Variants in GSE1 observed in about 807,000 individuals in gnomAD.
GSE1 encodes genetic suppressor element 1.
A neutral mutation model predicts 112.6 loss-of-function variants in GSE1; 32 were observed. The ratio of observed to expected loss-of-function variants is 0.28; its 90% CI spans 0.21 to 0.38. The LOEUF (loss-of-function observed/expected upper bound fraction) is 0.38. Ranked by LOEUF, GSE1 falls within the 10% of genes least tolerant of loss-of-function variation. The pLI, the probability that GSE1 is intolerant of heterozygous loss-of-function variation, is 1.00. For missense variants in GSE1, 2,348 were observed against 1,699.2 expected (o/e 1.38, Z -6.71); for synonymous variants, 1,115 against 735.6 (o/e 1.52, Z -8.35).
At chr16:85,513,817 G>T (rs1347100420) in intron 2 of GSE1, among the ~76,000 whole-genome samples, 4 of 152,090 alleles carry the variant, frequency 2.6e-5, no homozygotes, top group Non-Finnish European at 5.9e-5. Context: ...GGGAGGGGGG[G>T]TCCCACATTC....
At chr16:85,568,335 G>GC (rs2045845002) in intron 1 of GSE1, among the ~76,000 whole-genome samples, 1 of 152,222 alleles carries the variant, frequency 6.6e-6, no homozygotes, top group South Asian at 2.1e-4. Context: ...AGTCATGGCG[G>GC]CCCCCAATTT....
chr16:85,656,376 G>GGAGCGCGAGCGCGAGCGC lies in GSE1; in HGVS notation c.1029_1046dup (p.Arg347_Glu352dup), dbSNP rs3833833. 2.3e-4 allele frequency: 372 copies of GGAGCGCGAGCGCGAGCGC among 1,598,654 alleles called. 1 individual carries two copies. In the East Asian group the frequency reaches 4.2e-3, roughly 18 times the overall value. On this transcript the variant is annotated inframe_insertion, in exon 7 of 16. Coordinates refer to ENST00000253458, the MANE Select transcript of GSE1 (RefSeq NM_014615.5). ...TGGACGAGGAGCTAAGGCGGGAGAG[G>GGAGCGCGAGCGCGAGCGC]GAGCGCGAGCGCGAGCGCGAGCGTG... is the stretch of plus-strand genomic sequence containing the variant.
At chr16:85,531,619 G>A (rs72801142) in intron 2 of GSE1, among the ~76,000 whole-genome samples, 20,794 of 152,168 alleles carry the variant, frequency 0.14, 1,562 homozygotes, top group Admixed American at 0.2. Flanking sequence ...CCCCCCTTCC[G>A]CCCTGCCCCG....
rs1204000272 is a variant in GSE1 at position 85,668,502 on chromosome 16, C to G, written c.3415+78C>G. The stretch of plus-strand genomic sequence containing the variant: ...AAGGAAGCTGAGTGATGAGTTCATG[C>G]AGACCTCTGCCAGCCTGGGGACTGT... On this transcript the variant is annotated intron_variant, in intron 14 of 15. Coordinates refer to ENST00000253458, the MANE Select transcript of GSE1 (RefSeq NM_014615.5). 1.0e-5 allele frequency: 10 copies of G among 956,870 alleles called. No homozygotes were observed. The African/African-American group carries it at 1.3e-4, about 12-fold the overall frequency. 59.3% of individuals were successfully genotyped at this position (956,870 alleles called of 1,614,324 possible).
intron 1 of GSE1, among the ~76,000 whole-genome samples, chr16:85,299,398 C>G (rs1289843801): frequency 6.6e-6 from 1 of 152,212 alleles, no homozygotes; most frequent in Non-Finnish European, 1.5e-5. Context: ...TCTATATCCT[C>G]TCCAACCCCC....
At chr16:85,634,855 G>A (rs908053139) in intron 2 of GSE1, among the ~76,000 whole-genome samples, 1 of 152,186 alleles carries the variant, frequency 6.6e-6, no homozygotes, top group African/African-American at 2.4e-5. Context: ...GCTGCTGCTG[G>A]CACAAATGGG....
intron 1 of GSE1, among the ~76,000 whole-genome samples, chr16:85,254,537 G>A (rs1473905142): frequency 3.3e-5 from 5 of 152,220 alleles, no homozygotes; most frequent in African/African-American, 1.2e-4. Flanking sequence ...CATCAATTGA[G>A]ACAGGTGACT....
intron 1 of GSE1, among the ~76,000 whole-genome samples, chr16:85,291,941 A>T (rs768650723): frequency 6.6e-6 from 1 of 152,088 alleles, no homozygotes; most frequent in Non-Finnish European, 1.5e-5. Flanking sequence ...ACTTACATAG[A>T]AATAAGGCAG....
chr16:85,291,788 G>T (rs943988260), intron 1 of GSE1, among the ~76,000 whole-genome samples: 1 of 152,190 alleles, frequency 6.6e-6, no homozygotes, highest in African/African-American at 2.4e-5. Context: ...CCTCTCCGTG[G>T]GGCCCATAAC....
At chr16:85,646,866 G>T (rs547364837) in intron 2 of GSE1, among the ~76,000 whole-genome samples, 1 of 146,306 alleles carries the variant, frequency 6.8e-6, no homozygotes. Flanking sequence ...TCTGGTCTCG[G>T]TCACGGGGGC....
At chr16:85,621,384 G>A (rs550734846) in intron 1 of GSE1, among the ~76,000 whole-genome samples, 1 of 152,382 alleles carries the variant, frequency 6.6e-6, no homozygotes, top group African/African-American at 2.4e-5. Flanking sequence ...GCTGGGGTGT[G>A]CAGGGAGTGG....
intron 1 of GSE1, among the ~76,000 whole-genome samples, chr16:85,321,705 T>G (rs556409257): frequency 3.9e-5 from 6 of 151,900 alleles, no homozygotes; most frequent in Admixed American, 6.6e-5. Flanking sequence ...GTCCAGCTAC[T>G]TGGGTGGCTG....
At chr16:85,535,025 T>G (rs2044275411) in intron 2 of GSE1, among the ~76,000 whole-genome samples, 1 of 152,184 alleles carries the variant, frequency 6.6e-6, no homozygotes, top group African/African-American at 2.4e-5. Context: ...TTAGAGCTGA[T>G]TGTGCGGGAC....
chr16:85,185,636 C>G (rs1297387403), intron 1 of GSE1, among the ~76,000 whole-genome samples: 1 of 152,254 alleles, frequency 6.6e-6, no homozygotes, highest in African/African-American at 2.4e-5. Flanking sequence ...CCAGGACTCA[C>G]ATGTCATAAG....
At chr16:85,349,433 C>A (rs1247557399) in intron 1 of GSE1, among the ~76,000 whole-genome samples, 5 of 152,128 alleles carry the variant, frequency 3.3e-5, no homozygotes, top group Non-Finnish European at 7.4e-5. Context: ...GTCAGGACAG[C>A]GGGAGAAGAG....
chr16:85,365,225 C>T (rs1053294178), intron 2 of GSE1, among the ~76,000 whole-genome samples: 3 of 152,220 alleles, frequency 2.0e-5, no homozygotes, highest in Admixed American at 6.5e-5. Flanking sequence ...CCAGTATCCC[C>T]GGGAGACCAG....
intron 2 of GSE1, among the ~76,000 whole-genome samples, chr16:85,420,300 G>A (rs1312589092): frequency 6.6e-6 from 1 of 152,156 alleles, no homozygotes. Flanking sequence ...TGGAGGGAGT[G>A]TGGCCCTGCG....
At chr16:85,531,704 G>T (rs747964069) in intron 2 of GSE1, among the ~76,000 whole-genome samples, 2 of 152,212 alleles carry the variant, frequency 1.3e-5, no homozygotes, top group Non-Finnish European at 2.9e-5. Context: ...GGGACTTGAC[G>T]TCTGAGGAAA....
intron 1 of GSE1, among the ~76,000 whole-genome samples, chr16:85,562,488 G>A (rs975959867): frequency 1.3e-5 from 2 of 152,224 alleles, no homozygotes; most frequent in East Asian, 3.9e-4. Flanking sequence ...TCTGGAGACA[G>A]AAGAGGTTTC....
Sources: gnomAD v4.1 joint callset for allele counts (sites outside exome capture counted in the v4.1 genomes callset) on GRCh38, gnomAD v4.1.1 for gene constraint, MANE v1.5 for transcripts, NCBI Gene and HGNC (gene_info 2026-07-23, HGNC 2026-07-21) for gene names.